Variants in TSC22D1 observed in about 807,000 individuals in gnomAD.
The protein encoded by TSC22D1 is TSC22 domain family protein 1.
TSC22D1 carries 9 observed loss-of-function variants against 74.2 expected under a neutral mutation model. The observed-to-expected ratio is 0.12, with a 90% CI of 0.07 to 0.21. TSC22D1 has a LOEUF of 0.21. Ranked by LOEUF, TSC22D1 falls within the 10% of genes least tolerant of loss-of-function variation. The pLI is 1.00. For missense variants in TSC22D1, 1,427 were observed against 1,304.7 expected, an observed-to-expected ratio of 1.09 and a Z score of -1.44; for synonymous variants, 586 against 492.5, an observed-to-expected ratio of 1.19 and a Z score of -2.51.
intron 1 of TSC22D1, among the ~76,000 whole-genome samples, chr13:44,452,178 GA>G (rs1294317894): frequency 1.3e-5 from 2 of 152,150 alleles, no homozygotes; most frequent in Non-Finnish European, 2.9e-5. Context: ...GTTAAGTAAC[GA>G]GAAGTAACTA....
rs1478240667 is a variant in TSC22D1 at position 44,576,228 on chromosome 13, T to C, written c.-154A>G. 7 of 1,163,618 alleles carry C rather than the reference T, an allele frequency of 6.0e-6. No homozygotes were observed. Among genetic ancestry groups the C allele is most frequent in the Non-Finnish European group, 8.2e-6 (7 of 857,468 alleles). The allele number at this position is 1,163,618 out of a possible 1,614,324, so 72.1% of individuals were successfully genotyped here. The stretch of plus-strand genomic sequence containing the variant: ...CTCCTCAGCCAAAGGCGCCGGTCGC[T>C]CCTGCCTTCGAGAGCGAGCTTCGGA... On this transcript the variant is annotated 5_prime_UTR_variant, in exon 1 of 3. Transcript: ENST00000458659.
chr13:44,468,467 T>G (rs1877420070), intron 1 of TSC22D1, among the ~76,000 whole-genome samples: 1 of 149,974 alleles, frequency 6.7e-6, no homozygotes, highest in Non-Finnish European at 1.5e-5. Flanking sequence ...TCTTATTTCG[T>G]TCCTGTAACA....
At chr13:44,478,913 GTATT>G (rs1443568542) in intron 1 of TSC22D1, among the ~76,000 whole-genome samples, 1 of 151,874 alleles carries the variant, frequency 6.6e-6, no homozygotes, top group East Asian at 1.9e-4. Context: ...GTGTGTGTGT[GTATT>G]TATGTATGTG....
chr13:44,454,439 C>G (rs1242371185), intron 1 of TSC22D1, among the ~76,000 whole-genome samples: 2 of 152,076 alleles, frequency 1.3e-5, no homozygotes, highest in Non-Finnish European at 2.9e-5. Flanking sequence ...CAAACTGCCC[C>G]CCGCTAAACT....
chr13:44,474,863 A>G (rs1187781642), intron 1 of TSC22D1, among the ~76,000 whole-genome samples: 1 of 152,182 alleles, frequency 6.6e-6, no homozygotes. Flanking sequence ...AGAAATGTAG[A>G]AACGAGATAT....
intron 1 of TSC22D1, among the ~76,000 whole-genome samples, chr13:44,525,729 A>C (rs9533893): frequency 0.087 from 13,206 of 151,808 alleles, 738 homozygotes; most frequent in Non-Finnish European, 0.12. Context: ...GATAAACATG[A>C]AACTTCATAC....
chr13:44,533,554 C>T (rs1022362975), intron 1 of TSC22D1, among the ~76,000 whole-genome samples: 3 of 150,082 alleles, frequency 2.0e-5, no homozygotes, highest in Admixed American at 6.6e-5. Context: ...GAGGCTGAGG[C>T]GGGTGGATCA....
At chr13:44,449,004 C>T (rs1257629040) in intron 1 of TSC22D1, among the ~76,000 whole-genome samples, 2 of 152,150 alleles carry the variant, frequency 1.3e-5, no homozygotes, top group African/African-American at 4.8e-5. Flanking sequence ...CATTGAAAGC[C>T]ACCCATTTTA....
chr13:44,540,067 T>C, intron 1 of TSC22D1: 2 of 478,120 alleles, frequency 4.2e-6, no homozygotes, highest in Non-Finnish European at 7.0e-6. Context: ...CCTTCTTAAT[T>C]TGAATTTTAG....
At chr13:44,459,968 C>T (rs544803508) in intron 1 of TSC22D1, among the ~76,000 whole-genome samples, 1 of 152,090 alleles carries the variant, frequency 6.6e-6, no homozygotes, top group Non-Finnish European at 1.5e-5. Flanking sequence ...GAGCAGCCAG[C>T]GGAAAGCAGC....
intron 1 of TSC22D1, among the ~76,000 whole-genome samples, chr13:44,450,927 A>G (rs748010008): frequency 1.3e-5 from 2 of 152,234 alleles, no homozygotes; most frequent in Non-Finnish European, 2.9e-5. Context: ...GCCGTTTGGC[A>G]TAGCAAAGAC....
chr13:44,481,840 A>G (rs1375494280), intron 1 of TSC22D1, among the ~76,000 whole-genome samples: 2 of 152,216 alleles, frequency 1.3e-5, no homozygotes, highest in Admixed American at 6.5e-5. Context: ...GGGACATGCA[A>G]TCTAGGTCCA....
chr13:44,557,741 T>C (rs1882771309), intron 1 of TSC22D1, among the ~76,000 whole-genome samples: 1 of 152,232 alleles, frequency 6.6e-6, no homozygotes, highest in African/African-American at 2.4e-5. Flanking sequence ...TTTAATAGAA[T>C]TTTAATTTGA....
chr13:44,523,965 G>A (rs1002790224), intron 1 of TSC22D1, among the ~76,000 whole-genome samples: 41 of 152,064 alleles, frequency 2.7e-4, no homozygotes, highest in African/African-American at 9.2e-4. Flanking sequence ...ATAAGAGATA[G>A]ACCCATCCTC....
intron 1 of TSC22D1, among the ~76,000 whole-genome samples, chr13:44,563,345 A>G (rs989814351): frequency 6.6e-6 from 1 of 152,200 alleles, no homozygotes; most frequent in African/African-American, 2.4e-5. Context: ...TGTACTGAAC[A>G]TTTTACAATG....
At position 44,432,263 on chromosome 13, in the gene TSC22D1, A is replaced by T. The variant is rs981807164; in HGVS notation, c.*2363T>A. ...GTTCCATTAAATAATGGAGAAAAAA[A>T]CTTCTCCACCATCTTAATACACTGA... is the stretch of plus-strand genomic sequence containing the variant. On this transcript the variant is annotated 3_prime_UTR_variant, in exon 3 of 3. Transcript: ENST00000458659. The T allele has an allele frequency of 9.9e-5, 15 of 152,192 alleles. No individual in the cohort carries two copies. Among genetic ancestry groups the T allele is most frequent in the Non-Finnish European group, 1.5e-4 (10 of 68,030 alleles). The allele number at this position is 152,192 out of a possible 1,614,324, so 9.4% of individuals were successfully genotyped here.
rs1882776145 is a variant in TSC22D1, at chr13:44,557,763, T to C, written c.2912+15400A>G. Among the ~76,000 whole-genome samples the C allele has an allele frequency of 3.3e-5, 5 of 152,186 alleles. No homozygotes were observed. In the South Asian group the frequency reaches 1.0e-3, roughly 32 times the overall value. ...GAATTTTAATTTGATTGCATTAAGCTTATAAAAAATATCCTAAGTATCAAC... is the reference window on the plus strand; with the variant it reads ...GAATTTTAATTTGATTGCATTAAGCCTATAAAAAATATCCTAAGTATCAAC... On this transcript the variant is annotated intron_variant, in intron 1 of 2. Transcript: ENST00000458659.
Position 44,496,003 on chromosome 13 carries a change from AC to A in TSC22D1, c.2913-59909del, listed in dbSNP as rs1256660512. Among the ~76,000 whole-genome samples the A allele has an allele frequency of 5.3e-5, 8 of 152,354 alleles. No homozygotes were observed. In the East Asian group the frequency reaches 1.3e-3, roughly 26 times the overall value. Reference sequence around the variant, plus strand: ...ATAAATTGAACTTCATCAAAATTAAACCTTTTGTACATCAAAATGAAAGATA... The same window carrying A: ...ATAAATTGAACTTCATCAAAATTAAACTTTTGTACATCAAAATGAAAGATA... On this transcript the variant is annotated intron_variant, in intron 1 of 2. Transcript: ENST00000458659.
chr13:44,573,020 T>C (rs1055511766), intron 1 of TSC22D1, 143 bp downstream of exon 1: 42 of 1,202,876 alleles, frequency 3.5e-5, no homozygotes, highest in Middle Eastern at 5.0e-4. Flanking sequence ...ACTCTTGCTC[T>C]ATAAAACTTC....
Sources: gnomAD v4.1 joint callset for allele counts (sites outside exome capture counted in the v4.1 genomes callset) on GRCh38, gnomAD v4.1.1 for gene constraint, MANE v1.5 for transcripts, NCBI Gene and HGNC (gene_info 2026-07-23, HGNC 2026-07-21) for gene names.